The following PDE11A variants were observed in gnomAD, a reference collection of about 807,000 sequenced individuals.
PDE11A encodes the protein phosphodiesterase 11A, also known as dual 3',5'-cyclic-AMP and -GMP phosphodiesterase 11A.
Under a neutral mutation model 100.5 loss-of-function variants are expected in PDE11A, and 100 were observed. The ratio of observed to expected loss-of-function variants is 1.00; its 90% CI spans 0.85 to 1.18. The LOEUF is 1.18. PDE11A is among the 50% of genes most tolerant of loss of function. PDE11A has a pLI of 0.00. For synonymous variants in PDE11A, 381 were observed against 420.8 expected, an observed-to-expected ratio of 0.91 and a Z score of 1.16; for missense variants, 1,141 against 1,152.6, an observed-to-expected ratio of 0.99 and a Z score of 0.15.
At chr2:178,091,768 CT>C (rs1305546215) in intron 2 of PDE11A, among the ~76,000 whole-genome samples, 7 of 63,040 alleles carry the variant, frequency 1.1e-4, no homozygotes, top group African/African-American at 2.9e-4. Context: ...CTTATATTTG[CT>C]GTAAGTGGGT....
intron 1 of PDE11A, among the ~76,000 whole-genome samples, chr2:178,068,102 C>T (rs1045622778): frequency 1.3e-5 from 2 of 152,078 alleles, no homozygotes; most frequent in Non-Finnish European, 2.9e-5. Context: ...CTTGAATGCT[C>T]TTATTTTCAA....
At chr2:178,014,718 G>A (rs996521410) in intron 1 of PDE11A, among the ~76,000 whole-genome samples, 2 of 152,112 alleles carry the variant, frequency 1.3e-5, no homozygotes, top group Non-Finnish European at 2.9e-5. Flanking sequence ...TTGGGGAAAC[G>A]TGTTTTTAAG....
At chr2:177,741,960 A>G (rs2081877516) in intron 10 of PDE11A, among the ~76,000 whole-genome samples, 1 of 151,428 alleles carries the variant, frequency 6.6e-6, no homozygotes, top group South Asian at 2.1e-4. Flanking sequence ...TGAGCCCAGG[A>G]GTTCAGGGCT....
chr2:177,658,719 C>CTTTT (rs60062998), intron 19 of PDE11A, among the ~76,000 whole-genome samples: 33 of 141,552 alleles, frequency 2.3e-4, no homozygotes, highest in African/African-American at 8.6e-4. Flanking sequence ...TGAGTGGTGT[C>CTTTT]TTTTTTTTTT....
intron 6 of PDE11A, among the ~76,000 whole-genome samples, chr2:177,836,123 C>T (rs2083393843): frequency 1.3e-5 from 2 of 152,264 alleles, no homozygotes; most frequent in South Asian, 4.1e-4. Flanking sequence ...TAGGTGAAGC[C>T]AGCTGGGCTC....
intron 2 of PDE11A, among the ~76,000 whole-genome samples, chr2:178,090,356 A>G (rs1019044958): frequency 3.9e-5 from 6 of 152,224 alleles, no homozygotes; most frequent in Non-Finnish European, 8.8e-5. Context: ...AAACATTGCT[A>G]TCGGCAAAGA....
chr2:178,024,874 G>A (rs986098364), intron 1 of PDE11A, among the ~76,000 whole-genome samples: 1 of 152,142 alleles, frequency 6.6e-6, no homozygotes, highest in Non-Finnish European at 1.5e-5. Context: ...ATGCTTGGAA[G>A]GCAAAGCTTT....
intron 1 of PDE11A, among the ~76,000 whole-genome samples, chr2:178,063,566 A>G (rs1386544879): frequency 6.6e-6 from 1 of 152,186 alleles, no homozygotes; most frequent in Admixed American, 6.5e-5. Context: ...CAGGGTAGGT[A>G]GCTGAGTAAG....
At chr2:177,838,537 C>T (rs775192253) in intron 6 of PDE11A, among the ~76,000 whole-genome samples, 14 of 152,110 alleles carry the variant, frequency 9.2e-5, no homozygotes, top group East Asian at 1.9e-4. Flanking sequence ...GGGGCAAAGA[C>T]GGATCTTAAC....
intron 5 of PDE11A, among the ~76,000 whole-genome samples, chr2:177,875,465 C>T (rs2084217966): frequency 6.6e-6 from 1 of 151,860 alleles, no homozygotes; most frequent in Non-Finnish European, 1.5e-5. Context: ...GCAAGCTCCA[C>T]CTCCCAGGTT....
intron 18 of PDE11A, among the ~76,000 whole-genome samples, chr2:177,665,859 A>T (rs200219113): frequency 1.5e-4 from 1 of 6,658 alleles, no homozygotes; most frequent in Non-Finnish European, 7.2e-4. Flanking sequence ...TCCATCTCAA[A>T]AAAAAAAAAA....
At chr2:177,633,436 A>T (rs1470191950) in intron 19 of PDE11A, among the ~76,000 whole-genome samples, 6 of 152,244 alleles carry the variant, frequency 3.9e-5, no homozygotes, top group Admixed American at 1.3e-4. Flanking sequence ...GAATATGAGT[A>T]AAATGTAACT....
chr2:177,922,637 A>T (rs1317807768), intron 2 of PDE11A: 66 of 944,670 alleles, frequency 7.0e-5, no homozygotes, highest in Non-Finnish European at 8.3e-5. Context: ...CCTGTTAGTT[A>T]TGTCTCAACA....
At chr2:178,072,798 C>G (rs2087155992), upstream of PDE11A, 2 of 1,226,066 alleles carry the variant, frequency 1.6e-6, no homozygotes, top group Non-Finnish European at 2.1e-6. Context: ...ACCGCTGTGA[C>G]AGGGAGGTAG....
chr2:177,685,582 T>G (rs1374503530), intron 15 of PDE11A, among the ~76,000 whole-genome samples: 1 of 152,050 alleles, frequency 6.6e-6, no homozygotes, highest in African/African-American at 2.4e-5. Flanking sequence ...GGAGTTTCGC[T>G]CTTGTTGAGT....
chr2:177,760,780 T>C (rs2082157562), intron 10 of PDE11A, among the ~76,000 whole-genome samples: 2 of 152,190 alleles, frequency 1.3e-5, no homozygotes, highest in South Asian at 2.1e-4. Flanking sequence ...CTACAGAGAC[T>C]GCAGAAAACC....
At chr2:177,883,613 A>G (rs998226168) in intron 4 of PDE11A, among the ~76,000 whole-genome samples, 1 of 152,208 alleles carries the variant, frequency 6.6e-6, no homozygotes, top group Non-Finnish European at 1.5e-5. Context: ...AAGTGGGGGA[A>G]GTTTCCCAGG....
chr2:178,034,384 A>C (rs1281377847), intron 1 of PDE11A, among the ~76,000 whole-genome samples: 1 of 152,244 alleles, frequency 6.6e-6, no homozygotes, highest in East Asian at 1.9e-4. Flanking sequence ...AGAAGTTCTT[A>C]GAGACTTACA....
chr2:177,718,237 A>C (rs2081472678), intron 12 of PDE11A, among the ~76,000 whole-genome samples: 1 of 152,144 alleles, frequency 6.6e-6, no homozygotes, highest in African/African-American at 2.4e-5. Flanking sequence ...TTATCTTCCC[A>C]TTTTGTAGAT....
Sources: gnomAD v4.1 joint callset for allele counts (sites outside exome capture counted in the v4.1 genomes callset) on GRCh38, gnomAD v4.1.1 for gene constraint, MANE v1.5 for transcripts, NCBI Gene and HGNC (gene_info 2026-07-23, HGNC 2026-07-21) for gene names.